Variants in LRRFIP1 observed in about 807,000 individuals in gnomAD.
LRRFIP1 encodes leucine-rich repeat flightless-interacting protein 1.
A neutral mutation model predicts 104.4 loss-of-function variants in LRRFIP1; 62 were observed. The ratio of observed to expected loss-of-function variants is 0.59; its 90% CI spans 0.48 to 0.73. LRRFIP1 has a LOEUF of 0.73. Ranked by LOEUF, LRRFIP1 falls within the 30% of genes least tolerant of loss-of-function variation. The pLI, the probability that LRRFIP1 is intolerant of heterozygous loss-of-function variation, is 0.00. For missense variants in LRRFIP1, 796 were observed against 824.5 expected, an observed-to-expected ratio of 0.97 and a Z score of 0.42; for synonymous variants, 300 against 299.0, an observed-to-expected ratio of 1.00 and a Z score of -0.03.
chr2:237,708,695 G>A, intron 2 of LRRFIP1, 65 bp downstream of exon 2: 2 of 1,510,562 alleles, frequency 1.3e-6, no homozygotes, highest in Non-Finnish European at 1.8e-6. Flanking sequence ...CAGGGTGCAA[G>A]TGCAGGCACC....
chr2:237,685,992 G>A (rs1255842746), intron 1 of LRRFIP1, among the ~76,000 whole-genome samples: 1 of 152,164 alleles, frequency 6.6e-6, no homozygotes, highest in African/African-American at 2.4e-5. Context: ...TCACTCTGTG[G>A]CTTCCAGGAG....
chr2:237,779,526 G>A lies in LRRFIP1; in HGVS notation c.1917G>A (p.Gln639=). The part of the protein sequence containing the change: ...MKANRSALLS[Q]Q The stretch of plus-strand genomic sequence containing the variant: ...CAAATCGGAGTGCACTCTTGTCCCA[G>A]CAGTAAATTCCAGCTCTGATCAGGC... Residue 639 remains glutamine (Q), a synonymous_variant, in exon 24 of 24, where the codon CAG becomes CAA. Transcript: ENST00000308482. The A allele has an allele frequency of 1.2e-6, 2 of 1,613,026 alleles. No individual in the cohort carries two copies. The highest frequency in any genetic ancestry group is 1.7e-6 in the Non-Finnish European group (2 of 1,179,160).
intron 19 of LRRFIP1, chr2:237,762,942 G>T (rs1163442460): frequency 1.2e-6 from 2 of 1,614,248 alleles, no homozygotes. Context: ...CCATCCAACT[G>T]TTGGAGTGAC....
chr2:237,716,569 A>G (rs1414026023), intron 3 of LRRFIP1, among the ~76,000 whole-genome samples: 1 of 152,238 alleles, frequency 6.6e-6, no homozygotes, highest in Non-Finnish European at 1.5e-5. Flanking sequence ...AACAAAACCA[A>G]ACATAGCAAC....
chr2:237,763,650 A>T, intron 19 of LRRFIP1: 1 of 1,614,158 alleles, frequency 6.2e-7, no homozygotes, highest in Non-Finnish European at 8.5e-7. Flanking sequence ...GATTGTCCGG[A>T]GAATCCTAAA....
At chr2:237,753,576 A>C in intron 15 of LRRFIP1, 97 bp downstream of exon 15, 1 of 1,048,290 alleles carries the variant, frequency 9.5e-7, no homozygotes, top group Non-Finnish European at 1.3e-6. Context: ...TGGGAGGATT[A>C]CTTGAGCCCA....
At chr2:237,776,151 G>T (rs2061078401) in intron 23 of LRRFIP1, among the ~76,000 whole-genome samples, 1 of 151,702 alleles carries the variant, frequency 6.6e-6, no homozygotes, top group African/African-American at 2.4e-5. Flanking sequence ...GTAGAGACGG[G>T]GTTTCTCCAT....
At chr2:237,772,581 C>T (rs1306032500) in intron 21 of LRRFIP1, 10 of 519,336 alleles carry the variant, frequency 1.9e-5, no homozygotes, top group South Asian at 8.2e-5. Flanking sequence ...AGTCTCTCTC[C>T]GCCCTTTTCC....
chr2:237,631,782 A>G (rs2149246495), intron 1 of LRRFIP1, among the ~76,000 whole-genome samples: 1 of 152,348 alleles, frequency 6.6e-6, no homozygotes, highest in South Asian at 2.1e-4. Flanking sequence ...TTTTCCCAAC[A>G]GGAACAGTCA....
chr2:237,737,020 G>A (rs1411332867), intron 10 of LRRFIP1, among the ~76,000 whole-genome samples: 3 of 152,184 alleles, frequency 2.0e-5, no homozygotes, highest in African/African-American at 7.2e-5. Context: ...TGAGGTCCCA[G>A]CCCCAAGTGG....
chr2:237,654,034 C>T (rs1257423662), intron 1 of LRRFIP1, among the ~76,000 whole-genome samples: 1 of 152,080 alleles, frequency 6.6e-6, no homozygotes, highest in Admixed American at 6.5e-5. Flanking sequence ...AAAGCCTCTG[C>T]ACAGCAATGG....
At chr2:237,777,397 T>G (rs2061179435) in intron 23 of LRRFIP1, among the ~76,000 whole-genome samples, 2 of 152,240 alleles carry the variant, frequency 1.3e-5, no homozygotes, top group Admixed American at 1.3e-4. Flanking sequence ...AGAGCAGACT[T>G]CTTGGTGGTG....
chr2:237,658,694 G>A (rs1386206159), intron 1 of LRRFIP1, among the ~76,000 whole-genome samples: 1 of 152,210 alleles, frequency 6.6e-6, no homozygotes, highest in Non-Finnish European at 1.5e-5. Flanking sequence ...GGAGTGCCGA[G>A]TGAAGGAGGA....
chr2:237,722,983 T>C (rs2094586580), intron 6 of LRRFIP1, among the ~76,000 whole-genome samples: 1 of 152,200 alleles, frequency 6.6e-6, no homozygotes, highest in Non-Finnish European at 1.5e-5. Flanking sequence ...TATTATGAAC[T>C]TTTTACATTT....
At chr2:237,692,603 G>T in intron 1 of LRRFIP1, 7 of 1,377,826 alleles carry the variant, frequency 5.1e-6, no homozygotes, top group Non-Finnish European at 5.7e-6. Context: ...GAGGTCAATG[G>T]CAGGCGCAGG....
Position 237,630,301 on chromosome 2 carries a change from A to C in LRRFIP1, c.96+2561A>C, listed in dbSNP as rs146785580. 1.6e-4 allele frequency among the ~76,000 whole-genome samples: 25 copies of C among 152,334 alleles called. No individual in the cohort carries two copies. In the East Asian group the frequency reaches 4.0e-3, roughly 25 times the overall value. ...ATTCATCAGGGTTCTTATAGAAATC[A>C]ACAAAATCGTCTTGGGTTCAGTACT... On this transcript the variant is annotated intron_variant, in intron 1 of 23. Transcript: ENST00000308482.
In LRRFIP1 at chr2:237,735,217, A is replaced by T. The variant is rs532200775; in HGVS notation, c.490-51A>T. 144 of 1,484,936 alleles carry T rather than the reference A, an allele frequency of 9.7e-5. 1 individual carries two copies. The East Asian group carries it at 1.1e-3, about 12-fold the overall frequency. The allele number at this position is 1,484,936 out of a possible 1,614,324, so 92.0% of individuals were successfully genotyped here. On this transcript the variant is annotated intron_variant, in intron 9 of 23. Coordinates refer to ENST00000308482, the MANE Select transcript of LRRFIP1 (RefSeq NM_001137550.2). This position sits in a 1 kb window ranked among gnomAD's most constrained non-coding sequence, Gnocchi z 4.6. ...CTCACGTTTTCAGCACTTTCTGGGC[A>T]CTCTTGGAGAAAGGAAGAGCGCCCA...
chr2:237,638,415 C>T (rs772434227), intron 1 of LRRFIP1, among the ~76,000 whole-genome samples: 1 of 152,342 alleles, frequency 6.6e-6, no homozygotes, highest in Admixed American at 6.5e-5. Flanking sequence ...GATGAAGCTT[C>T]GCTCACTCAC....
At chr2:237,721,724 A>T (rs890765994) in intron 6 of LRRFIP1, 2 of 152,212 alleles carry the variant, frequency 1.3e-5, no homozygotes, top group Non-Finnish European at 2.9e-5. Flanking sequence ...GCCCTTCCCA[A>T]TGATAAAATG....
Sources: gnomAD v4.1 joint callset for allele counts (sites outside exome capture counted in the v4.1 genomes callset) on GRCh38, gnomAD v4.1.1 for gene constraint, Gnocchi (gnomAD v3.1) non-coding constraint, MANE v1.5 for transcripts, NCBI Gene and HGNC (gene_info 2026-07-23, HGNC 2026-07-21) for gene names.